PRIM2: variants seen among roughly 807,000 people sequenced by gnomAD.
PRIM2 encodes the protein DNA primase large subunit.
In PRIM2, 39 loss-of-function variants were observed where a neutral mutation model predicts 67.3. The observed-to-expected ratio is 0.58, with a 90% confidence interval of 0.45 to 0.76. The LOEUF is 0.76. Ranked by LOEUF, PRIM2 falls within the 30% of genes least tolerant of loss-of-function variation. The pLI is 0.00. For missense variants in PRIM2, 398 were observed against 598.7 expected (o/e 0.66, Z 3.50); for synonymous variants, 143 against 198.7 (o/e 0.72, Z 2.36).
chr6:57,383,661 G>A (rs1770040055), intron 7 of PRIM2: 1 of 151,900 alleles, frequency 6.6e-6, no homozygotes, highest in South Asian at 2.1e-4. Flanking sequence ...GTGATGCCTG[G>A]AAGAGCTACA....
Position 57,325,999 on chromosome 6 carries a change from A to T in PRIM2, c.413A>T (p.Asp138Val). 2 of 1,612,638 alleles carry T rather than the reference A, an allele frequency of 1.2e-6. No homozygotes were observed. Among genetic ancestry groups the T allele is most frequent in the Non-Finnish European group, 1.7e-6 (2 of 1,179,264 alleles). Residue 138 changes from aspartate (D) to valine (V), a missense_variant, in exon 5 of 14, where the codon GAT (aspartate) becomes GTT (valine). Transcript: ENST00000615550. ...TTTAGATTTAGTATTTTACCCAAGG[A>T]TAAAATTCAGGATTTCTTAAAGGAT... ...LRFRFSILPK[D>V]KIQDFLKDSQ...
At chr6:57,597,160 C>G (rs1356896450) in intron 10 of PRIM2, among the ~76,000 whole-genome samples, 1 of 152,110 alleles carries the variant, frequency 6.6e-6, no homozygotes, top group Non-Finnish European at 1.5e-5. Flanking sequence ...AAAATAAATT[C>G]CATTGCAACA....
At chr6:57,381,600 A>C (rs1221893747) in intron 6 of PRIM2, among the ~76,000 whole-genome samples, 2 of 152,196 alleles carry the variant, frequency 1.3e-5, no homozygotes, top group African/African-American at 4.8e-5. Flanking sequence ...TACATGAAGA[A>C]ATTGGAATTT....
At chr6:57,528,935 T>C (rs1774824381) in intron 8 of PRIM2, among the ~76,000 whole-genome samples, 2 of 152,338 alleles carry the variant, frequency 1.3e-5, no homozygotes, top group African/African-American at 2.4e-5. Context: ...GGGCTGGCAT[T>C]ATTAGTGCCA....
chr6:57,474,081 A>G (rs1465526666), intron 7 of PRIM2, among the ~76,000 whole-genome samples: 1 of 151,612 alleles, frequency 6.6e-6, no homozygotes, highest in Non-Finnish European at 1.5e-5. Flanking sequence ...GAAAGGAAGC[A>G]TGATTAAGTA....
At chr6:57,539,774 G>A (rs1350824746) in intron 10 of PRIM2, among the ~76,000 whole-genome samples, 6 of 151,928 alleles carry the variant, frequency 3.9e-5, no homozygotes, top group East Asian at 3.9e-4. Context: ...CAGGTGGGTC[G>A]CCTGAGGTCA....
At chr6:57,407,334 GA>G (rs1247351154) in intron 7 of PRIM2, among the ~76,000 whole-genome samples, 1 of 151,308 alleles carries the variant, frequency 6.6e-6, no homozygotes, top group African/African-American at 2.4e-5. Context: ...GACTATATTT[GA>G]ATTTTGTTCA....
At chr6:57,247,875 G>T in the PRIM2 span, among the ~76,000 whole-genome samples, 2 of 152,098 alleles carry the variant, frequency 1.3e-5, no homozygotes, top group Non-Finnish European at 2.9e-5. Context: ...TGACTAGTGG[G>T]TGAGCATGAG....
the PRIM2 span, among the ~76,000 whole-genome samples, chr6:57,260,381 T>C: frequency 6.6e-6 from 1 of 152,228 alleles, no homozygotes; most frequent in African/African-American, 2.4e-5. Context: ...GTAAATTGAA[T>C]TAAATTCCAA....
the PRIM2 span, among the ~76,000 whole-genome samples, chr6:57,228,277 AG>A: frequency 7.9e-5 from 12 of 152,324 alleles, no homozygotes; most frequent in East Asian, 2.3e-3. Flanking sequence ...ACATTGTTGT[AG>A]AGCTTCCATG....
intron 7 of PRIM2, among the ~76,000 whole-genome samples, chr6:57,506,643 C>T (rs1554347252): frequency 6.6e-6 from 1 of 151,896 alleles, no homozygotes; most frequent in East Asian, 1.9e-4. Flanking sequence ...GAATGAATGT[C>T]TTTAATTTCC....
At chr6:57,242,956 T>C in the PRIM2 span, among the ~76,000 whole-genome samples, 3 of 152,240 alleles carry the variant, frequency 2.0e-5, no homozygotes, top group Admixed American at 6.5e-5. Flanking sequence ...TCTCAAACAA[T>C]GTAGTATTAC....
intron 7 of PRIM2, among the ~76,000 whole-genome samples, chr6:57,401,149 G>A (rs1279956624): frequency 1.3e-5 from 2 of 152,160 alleles, no homozygotes; most frequent in South Asian, 2.1e-4. Flanking sequence ...GGCTGATGTG[G>A]TTGTTTGGAG....
intron 7 of PRIM2, among the ~76,000 whole-genome samples, chr6:57,404,650 G>T (rs1463850709): frequency 1.3e-5 from 2 of 152,250 alleles, no homozygotes; most frequent in African/African-American, 4.8e-5. Context: ...GGCTGCAGTA[G>T]TTCAAGCTGT....
chr6:57,269,478 A>G, the PRIM2 span, among the ~76,000 whole-genome samples: 4 of 150,656 alleles, frequency 2.7e-5, no homozygotes, highest in African/African-American at 7.3e-5. Context: ...TTTTGATGGG[A>G]TTGTTTTTTT....
At chr6:57,356,931 CTTTTTTTTTTT>C (rs761605036) in intron 5 of PRIM2, among the ~76,000 whole-genome samples, 1 of 120,794 alleles carries the variant, frequency 8.3e-6, no homozygotes, top group African/African-American at 3.1e-5. Context: ...CCAATCCATT[CTTTTTTTTTTT>C]TTTTTTTTTG....
At chr6:57,261,637 T>G in the PRIM2 span, among the ~76,000 whole-genome samples, 2 of 152,190 alleles carry the variant, frequency 1.3e-5, no homozygotes, top group South Asian at 2.1e-4. Flanking sequence ...AGTCTCTAAT[T>G]CCTGCCACTT....
At chr6:57,582,642 G>A (rs1325749379) in intron 10 of PRIM2, among the ~76,000 whole-genome samples, 4 of 152,018 alleles carry the variant, frequency 2.6e-5, no homozygotes, top group South Asian at 2.1e-4. Context: ...TTGTTTAACC[G>A]TGGTTCAGTG....
intron 10 of PRIM2, among the ~76,000 whole-genome samples, chr6:57,559,842 T>A (rs1337169011): frequency 6.6e-6 from 1 of 152,198 alleles, no homozygotes; most frequent in Admixed American, 6.5e-5. Flanking sequence ...CATTTTTTGT[T>A]ACTAAAAATG....
Sources: gnomAD v4.1 joint callset for allele counts (sites outside exome capture counted in the v4.1 genomes callset) on GRCh38, gnomAD v4.1.1 for gene constraint, MANE v1.5 for transcripts, NCBI Gene and HGNC (gene_info 2026-07-23, HGNC 2026-07-21) for gene names.